ULK4: variants seen among roughly 807,000 people sequenced by gnomAD.
ULK4 encodes the protein unc-51 like kinase 4, also known as inactive serine/threonine-protein kinase ULK4.
ULK4 carries 133 observed loss-of-function variants against 160.6 expected under a neutral mutation model. The ratio of observed to expected loss-of-function variants is 0.83; its 90% CI spans 0.72 to 0.96. The LOEUF is 0.96. Among genes scored for constraint, ULK4 ranks in the 40% least tolerant of loss-of-function variants. ULK4 has a pLI of 0.00. For missense variants in ULK4, 1,580 were observed against 1,499.5 expected, an observed-to-expected ratio of 1.05 and a Z score of -0.89; for synonymous variants, 534 against 539.8, an observed-to-expected ratio of 0.99 and a Z score of 0.15.
chr3:41,411,827 G>A (rs552929541), intron 34 of ULK4, among the ~76,000 whole-genome samples: 181 of 151,724 alleles, frequency 1.2e-3, no homozygotes, highest in African/African-American at 3.9e-3. Context: ...CCCTCTTTTC[G>A]TGGACATTCC....
At chr3:41,657,634 A>G (rs1347647123) in intron 30 of ULK4, among the ~76,000 whole-genome samples, 4 of 151,854 alleles carry the variant, frequency 2.6e-5, no homozygotes, top group Admixed American at 6.6e-5. Flanking sequence ...CCTGGCCAAG[A>G]TGGTGAAACC....
chr3:41,904,365 G>A (rs973229088), intron 12 of ULK4, among the ~76,000 whole-genome samples: 1 of 152,082 alleles, frequency 6.6e-6, no homozygotes, highest in African/African-American at 2.4e-5. Context: ...ACAAGTTGAG[G>A]CTGCAATGAG....
intron 18 of ULK4, among the ~76,000 whole-genome samples, chr3:41,833,147 A>C (rs2041646354): frequency 6.6e-6 from 1 of 151,844 alleles, no homozygotes. Flanking sequence ...CACAATATTG[A>C]TTCTTCCTAT....
rs1282960960 is a variant in ULK4, at chr3:41,840,493, G to GAGT, written c.1657-4523_1657-4522insACT. On this transcript the variant is annotated intron_variant, in intron 17 of 36. Transcript: ENST00000301831. ...CAGGCTCCGATGGTTCTCCTGCCTT[G>GAGT]GCCTGCCGAGTGCCTGCGATTGCAG... Among the ~76,000 whole-genome samples the GAGT allele has an allele frequency of 3.9e-5, 6 of 152,278 alleles. No individual in the cohort carries two copies. In the East Asian group the frequency reaches 1.2e-3, roughly 29 times the overall value.
intron 22 of ULK4, among the ~76,000 whole-genome samples, chr3:41,736,810 G>A (rs372382765): frequency 5.3e-5 from 8 of 151,444 alleles, no homozygotes; most frequent in Admixed American, 3.3e-4. Context: ...TTCTTCTAGG[G>A]TTTTTATGGT....
intron 32 of ULK4, among the ~76,000 whole-genome samples, chr3:41,484,641 A>G (rs992191007): frequency 3.3e-5 from 5 of 151,878 alleles, no homozygotes; most frequent in East Asian, 1.9e-4. Context: ...TTTAGTAGAG[A>G]CGGGGTTTCA....
intron 18 of ULK4, among the ~76,000 whole-genome samples, chr3:41,829,657 A>G (rs2125644730): frequency 6.6e-6 from 1 of 152,276 alleles, no homozygotes; most frequent in South Asian, 2.1e-4. Context: ...CAGGTGCTGG[A>G]GAGGATGTGG....
rs1179028913 is a variant in ULK4 at position 41,938,191 on chromosome 3, G to A, written c.145C>T (p.Leu49Phe). The change falls in exon 3 of 37, where the codon CTC becomes TTC. Residue 49 changes from leucine to phenylalanine, a missense_variant. By Grantham distance (22) the Leu-to-Phe change is conservative (BLOSUM62 0). Coordinates refer to ENST00000301831, the MANE Select transcript of ULK4 (RefSeq NM_017886.4). ...TTCTTGTGTTTTATTTCACGGGTGA[G>A]ACGGACCTATAAAAACACAGAGCAA... is the stretch of plus-strand genomic sequence containing the variant. ...KRPEITNWVRLTREIKHKNIV... is the reference protein window; with the variant it reads ...KRPEITNWVRFTREIKHKNIV... The A allele has an allele frequency of 1.9e-6, 3 of 1,611,528 alleles. No individual in the cohort carries two copies. Among genetic ancestry groups the A allele is most frequent in the Non-Finnish European group, 2.5e-6 (3 of 1,179,146 alleles).
intron 32 of ULK4, among the ~76,000 whole-genome samples, chr3:41,490,731 C>T (rs2084725175): frequency 6.6e-6 from 1 of 152,090 alleles, no homozygotes; most frequent in African/African-American, 2.4e-5. Context: ...CAATGTCTAC[C>T]ATGGTTTGGG....
chr3:41,807,246 A>G (rs749221948), intron 19 of ULK4, among the ~76,000 whole-genome samples: 1 of 152,190 alleles, frequency 6.6e-6, no homozygotes, highest in Non-Finnish European at 1.5e-5. Context: ...TTTATTTAAC[A>G]AGAAAAATAT....
chr3:41,906,990 C>CA (rs376927188), intron 12 of ULK4, among the ~76,000 whole-genome samples: 22 of 147,528 alleles, frequency 1.5e-4, no homozygotes, highest in African/African-American at 2.0e-4. Context: ...AGACTGTCTC[C>CA]AAAAAAAAAG....
At chr3:41,403,193 C>T (rs1014559926) in intron 34 of ULK4, among the ~76,000 whole-genome samples, 1 of 151,492 alleles carries the variant, frequency 6.6e-6, no homozygotes, top group Non-Finnish European at 1.5e-5. Flanking sequence ...ATACTTAATT[C>T]TTCTGTAATT....
intron 32 of ULK4, among the ~76,000 whole-genome samples, chr3:41,514,882 G>C (rs1012748718): frequency 1.3e-5 from 2 of 152,024 alleles, no homozygotes; most frequent in Admixed American, 1.3e-4. Flanking sequence ...TACAATCTAT[G>C]CATGTTTACC....
chr3:41,371,815 G>A (rs1203267215), intron 35 of ULK4, among the ~76,000 whole-genome samples: 1 of 151,974 alleles, frequency 6.6e-6, no homozygotes, highest in Non-Finnish European at 1.5e-5. Flanking sequence ...GACAGAAGTA[G>A]GCTTCAGAAG....
rs55969147 is a variant in ULK4, at chr3:41,931,470, T to TAAATAAA, written c.541+373_541+374insTTTATTT. Among the ~76,000 whole-genome samples, 927 of 126,972 alleles carry TAAATAAA rather than the reference T, an allele frequency of 7.3e-3. 16 individuals are homozygous for TAAATAAA. Among genetic ancestry groups the TAAATAAA allele is most frequent in the African/African-American group, 0.016 (545 of 34,694 alleles). 83.3% of individuals were successfully genotyped at this position (126,972 alleles called of 152,430 possible). ...TGTTCTGCACATGTACCCTAGAACT[T>TAAATAAA]AAAAAAAAAAAAAAAAAAGAAAGAA... On this transcript the variant is annotated intron_variant, in intron 5 of 36. Coordinates refer to ENST00000301831, the MANE Select transcript of ULK4 (RefSeq NM_017886.4).
At chr3:41,386,352 T>C (rs911233897) in intron 35 of ULK4, among the ~76,000 whole-genome samples, 6 of 152,208 alleles carry the variant, frequency 3.9e-5, no homozygotes, top group African/African-American at 1.4e-4. Flanking sequence ...TAACTGAACA[T>C]GTGTAAAATT....
At chr3:41,379,214 T>A (rs977847085) in intron 35 of ULK4, among the ~76,000 whole-genome samples, 1 of 149,210 alleles carries the variant, frequency 6.7e-6, no homozygotes, top group Non-Finnish European at 1.5e-5. Flanking sequence ...AAAAAAAAAA[T>A]AGTGAAAAAA....
At chr3:41,786,598 CAAAAAAAAAAA>C (rs34207417) in intron 21 of ULK4, among the ~76,000 whole-genome samples, 19 of 64,140 alleles carry the variant, frequency 3.0e-4, no homozygotes, top group Non-Finnish European at 4.9e-4. Context: ...ATCCTGTCTC[CAAAAAAAAAAA>C]AAAAAAAAGC....
chr3:41,696,162 A>G (rs922652171), intron 27 of ULK4, among the ~76,000 whole-genome samples: 1 of 152,160 alleles, frequency 6.6e-6, no homozygotes, highest in Non-Finnish European at 1.5e-5. Context: ...CTCTTGTGGA[A>G]GGCCTGACAT....
Sources: gnomAD v4.1 joint callset for allele counts (sites outside exome capture counted in the v4.1 genomes callset) on GRCh38, gnomAD v4.1.1 for gene constraint, MANE v1.5 for transcripts, NCBI Gene and HGNC (gene_info 2026-07-23, HGNC 2026-07-21) for gene names.